ARHGEF17: variants seen among roughly 807,000 people sequenced by gnomAD.
ARHGEF17 encodes the protein 164 kDa Rho-specific guanine-nucleotide exchange factor.
ARHGEF17 carries 80 observed loss-of-function variants against 174.0 expected under a neutral mutation model. The observed-to-expected ratio is 0.46, with a 90% CI of 0.38 to 0.55. The LOEUF is 0.55. ARHGEF17 is among the 20% of genes least tolerant of loss of function. The pLI, the probability that ARHGEF17 is intolerant of heterozygous loss-of-function variation, is 0.00. For missense variants in ARHGEF17, 2,886 were observed against 2,839.7 expected, an observed-to-expected ratio of 1.02 and a Z score of -0.37; for synonymous variants, 1,311 against 1,189.1, an observed-to-expected ratio of 1.10 and a Z score of -2.11.
At chr11:73,313,812 TC>T (rs1184881678) in intron 1 of ARHGEF17, among the ~76,000 whole-genome samples, 1 of 152,198 alleles carries the variant, frequency 6.6e-6, no homozygotes, top group East Asian at 1.9e-4. Context: ...GTGCCTCACT[TC>T]CCCCTTCCAT....
At chr11:73,342,932 C>G (rs1865395448) in intron 1 of ARHGEF17, 1 of 172,142 alleles carries the variant, frequency 5.8e-6, no homozygotes, top group South Asian at 2.0e-4. Context: ...GCACTCCCAG[C>G]GCGGAGGAGG....
chr11:73,353,372 C>T, intron 3 of ARHGEF17: 1 of 276,104 alleles, frequency 3.6e-6, no homozygotes, highest in South Asian at 6.3e-5. Flanking sequence ...CTGACCTCCA[C>T]CCTATCTTTA....
intron 1 of ARHGEF17, among the ~76,000 whole-genome samples, chr11:73,316,245 C>G (rs1228707847): frequency 6.6e-6 from 1 of 152,222 alleles, no homozygotes; most frequent in Non-Finnish European, 1.5e-5. Context: ...GTTTCAGAGA[C>G]TCAGGTGGCC....
At chr11:73,353,260 T>C in intron 3 of ARHGEF17, 1 of 569,214 alleles carries the variant, frequency 1.8e-6, no homozygotes. Flanking sequence ...ACACTGACTC[T>C]GATCCTGGAC....
chr11:73,313,490 A>T (rs1429884737), intron 1 of ARHGEF17, among the ~76,000 whole-genome samples: 1 of 152,182 alleles, frequency 6.6e-6, no homozygotes, highest in Non-Finnish European at 1.5e-5. Flanking sequence ...GAAGGCTTTG[A>T]GACCCAGAGA....
rs144969387 is a variant in ARHGEF17, at chr11:73,352,192, C to T, written c.3271-638C>T. Among the ~76,000 whole-genome samples, 63 of 152,182 alleles carry T rather than the reference C, an allele frequency of 4.1e-4. 2 individuals carry two copies. In the East Asian group the frequency reaches 0.011, roughly 27 times the overall value. ...ATAAAAAACTAGCTGAGTGTTGTGG[C>T]GCAGACCTGTAATCCCAGCTACTCG... On this transcript the variant is annotated intron_variant, in intron 2 of 20. Coordinates refer to ENST00000263674, the MANE Select transcript of ARHGEF17 (RefSeq NM_014786.4).
chr11:73,323,452 A>G (rs1338529892), intron 1 of ARHGEF17, among the ~76,000 whole-genome samples: 2 of 152,180 alleles, frequency 1.3e-5, no homozygotes, highest in African/African-American at 2.4e-5. Context: ...GAACCTTGTG[A>G]TATTTGTACC....
intron 1 of ARHGEF17, among the ~76,000 whole-genome samples, chr11:73,327,701 C>G (rs79038783): frequency 0.078 from 11,807 of 152,036 alleles, 589 homozygotes; most frequent in Non-Finnish European, 0.1. Context: ...GTGGCCAGAA[C>G]ATGATGCAGC....
intron 1 of ARHGEF17, among the ~76,000 whole-genome samples, chr11:73,330,376 C>T (rs78921817): frequency 0.072 from 10,937 of 152,206 alleles, 1,267 homozygotes; most frequent in African/African-American, 0.24. Flanking sequence ...CATATTTTTT[C>T]TCTGCTATTT....
In ARHGEF17 at chr11:73,309,518, G is replaced by A. The variant is rs1179453332; in HGVS notation, c.880G>A (p.Gly294Arg). ...CGGCCACCGCTGGGGAGGGAGGCCC[G>A]GGCTCAGGCCTGGAAGCTCCCTATT... ...EGGHRWGGRPGLRPGSSLLDQ... is the reference protein window; with the variant it reads ...EGGHRWGGRPRLRPGSSLLDQ... The change falls in exon 1 of 21, where the codon GGG becomes AGG. Residue 294 changes from glycine (G) to arginine (R), a missense_variant. Physicochemically the swap from Gly to Arg is moderately radical, Grantham distance 125. This residue lies in a region of ARHGEF17 where 1,728 missense variants were observed against 1,461.2 expected (regional missense o/e 1.18). Transcript: ENST00000263674. 1 of 1,563,908 alleles carries A rather than the reference G, an allele frequency of 6.4e-7. No homozygotes were observed. The highest frequency in any genetic ancestry group is 1.4e-5 in the African/African-American group (1 of 73,048).
chr11:73,367,098 A>G (rs1007083535), intron 20 of ARHGEF17, among the ~76,000 whole-genome samples: 1 of 152,164 alleles, frequency 6.6e-6, no homozygotes, highest in African/African-American at 2.4e-5. Flanking sequence ...ACAACCAGAA[A>G]AGTCTTGCTT....
In ARHGEF17 at chr11:73,365,072, C is replaced by G; in HGVS notation, c.5551-318C>G. ...AGGCCCCAGCTCTGTGACTGACTTG[C>G]TGTGTGACCTTTCCCTTCTAGGCTT... On this transcript the variant is annotated intron_variant, in intron 18 of 20. Transcript: ENST00000263674. This position sits in a 1 kb window ranked among gnomAD's most constrained non-coding sequence, Gnocchi z 4.9. 4 of 379,138 alleles carry G rather than the reference C, an allele frequency of 1.1e-5. No homozygotes were observed. Among genetic ancestry groups the G allele is most frequent in the Non-Finnish European group, 9.7e-6 (2 of 206,428 alleles). The allele number at this position is 379,138 out of a possible 1,614,324, so 23.5% of individuals were successfully genotyped here.
rs1225194879 is a variant in ARHGEF17, at chr11:73,367,598, C to A, written c.6010C>A (p.Pro2004Thr). 2 of 1,612,582 alleles carry A rather than the reference C, an allele frequency of 1.2e-6. No homozygotes were observed. Among genetic ancestry groups the A allele is most frequent in the Non-Finnish European group, 1.7e-6 (2 of 1,179,062 alleles). ...TCTGCCCCCAGGCCCCGAGAAGCTG[C>A]CATCACTGGAGCACCGGGACTCCCC... ...PPPDTGPEKL[P>T]SLEHRDSPWH... Residue 2004 changes from proline to threonine, a missense_variant, in exon 21 of 21, where the codon CCA becomes ACA. Around this residue, in one of 4 missense-constraint regions of ARHGEF17, gnomAD observed 329 missense variants for 435.2 expected, o/e 0.76. Transcript: ENST00000263674.
At position 73,362,099 on chromosome 11, in the gene ARHGEF17, C is replaced by T; in HGVS notation, c.4554C>T (p.Val1518=). The change falls in exon 13 of 21, where the codon GTC becomes GTT. Residue 1518 remains valine (V), a synonymous_variant. Coordinates refer to ENST00000263674, the MANE Select transcript of ARHGEF17 (RefSeq NM_014786.4). ...CGGAGCCCTCGCCTGAGGTATGGGT[C>T]TGCAACAGCGACGGCTACGTGGGCC... is the stretch of plus-strand genomic sequence containing the variant. The part of the protein sequence containing the change: ...SCPEPSPEVW[V]CNSDGYVGQV... 3.7e-6 allele frequency: 6 copies of T among 1,612,804 alleles called. No individual in the cohort carries two copies. Among genetic ancestry groups the T allele is most frequent in the Middle Eastern group, 1.6e-4 (1 of 6,062 alleles).
chr11:73,310,314 CCCGCACCAG>C lies in ARHGEF17; in HGVS notation c.1677_1685del (p.Arg560_Ser562del). 1 of 1,613,810 alleles carries C rather than the reference CCCGCACCAG, an allele frequency of 6.2e-7. No homozygotes were observed. Reference sequence around the variant, plus strand: ...GAGAAGCCCATGGCCCGCCGCCTGCCCCGCACCAGTGCTCTGAAGTCCAGCTCCTCCGAG... The same window carrying C: ...GAGAAGCCCATGGCCCGCCGCCTGCCTGCTCTGAAGTCCAGCTCCTCCGAG... On this transcript the variant is annotated inframe_deletion, in exon 1 of 21. Coordinates refer to ENST00000263674, the MANE Select transcript of ARHGEF17 (RefSeq NM_014786.4).
Position 73,309,491 on chromosome 11 carries a change from G to A in ARHGEF17, c.853G>A (p.Gly285Ser). 6.5e-7 allele frequency: 1 copy of A among 1,549,036 alleles called. No homozygotes were observed. The highest frequency in any genetic ancestry group is 8.7e-7 in the Non-Finnish European group (1 of 1,145,764). Residue 285 changes from glycine (G) to serine (S), a missense_variant, in exon 1 of 21, where the codon GGC becomes AGC. Physicochemically the swap from Gly to Ser is moderately conservative, Grantham distance 56. Around this residue, in one of 4 missense-constraint regions of ARHGEF17, gnomAD observed 1,728 missense variants for 1,461.2 expected, o/e 1.18. Transcript: ENST00000263674. ...CAGTGACGACGACCGAGACGGTGAG[G>A]GCGGCCACCGCTGGGGAGGGAGGCC... ...SGSDDDRDGE[G>S]GHRWGGRPGL...
chr11:73,332,361 G>C (rs1489699050), intron 1 of ARHGEF17, among the ~76,000 whole-genome samples: 6 of 42,404 alleles, frequency 1.4e-4, no homozygotes, highest in Admixed American at 4.3e-4. Context: ...GTGTGTGTGT[G>C]TGTGTGTGTG....
rs749381710 is a variant in ARHGEF17 at position 73,310,798 on chromosome 11, C to A, written c.2160C>A (p.Ser720Arg). Residue 720 changes from serine (S) to arginine (R), a missense_variant, in exon 1 of 21, where the codon AGC becomes AGA. Transcript: ENST00000263674. ...TCCCACCTTCAGGTTCTGGTGGGAG[C>A]GAATTGAGCAATGGGGAGGCAGGGG... ...RKVPPSGSGG[S>R]ELSNGEAGEA... 9 of 1,611,928 alleles carry A rather than the reference C, an allele frequency of 5.6e-6. No homozygotes were observed. In the Admixed American group the frequency reaches 1.3e-4, roughly 24 times the overall value.
At chr11:73,335,956 T>C (rs1306593108) in intron 1 of ARHGEF17, among the ~76,000 whole-genome samples, 3 of 152,258 alleles carry the variant, frequency 2.0e-5, no homozygotes, top group African/African-American at 7.2e-5. Flanking sequence ...AGAGACCTGG[T>C]CTCTGCTCTT....
Sources: allele counts gnomAD v4.1 joint callset (sites outside exome capture counted in the v4.1 genomes callset), GRCh38; gene constraint gnomAD v4.1.1; regional missense constraint gnomAD v4.1.1; non-coding constraint Gnocchi (gnomAD v3.1); transcripts MANE v1.5; gene names NCBI Gene and HGNC (gene_info 2026-07-23, HGNC 2026-07-21).